Variants in FSTL5 observed in about 807,000 individuals in gnomAD.
FSTL5 encodes the protein follistatin like 5.
Under a neutral mutation model 89.1 loss-of-function variants are expected in FSTL5, and 62 were observed. That is an observed-to-expected ratio of 0.70 (90% CI 0.57 to 0.86). The LOEUF (loss-of-function observed/expected upper bound fraction) is 0.86. Among genes scored for constraint, FSTL5 ranks in the 40% least tolerant of loss-of-function variants. The pLI is 0.00. For synonymous variants in FSTL5, 383 were observed against 346.2 expected (o/e 1.11, Z -1.18); for missense variants, 1,057 against 1,001.6 (o/e 1.06, Z -0.75).
intron 10 of FSTL5, among the ~76,000 whole-genome samples, chr4:161,510,670 A>G (rs1239135357): frequency 6.6e-6 from 1 of 151,786 alleles, no homozygotes; most frequent in African/African-American, 2.4e-5. Context: ...TTTGTTATTA[A>G]ACAAAGAACA....
chr4:161,862,429 G>T (rs1453058972), intron 4 of FSTL5, among the ~76,000 whole-genome samples: 1 of 152,090 alleles, frequency 6.6e-6, no homozygotes, highest in Non-Finnish European at 1.5e-5. Flanking sequence ...ATGATTACAA[G>T]AAGTCACTAT....
chr4:161,915,590 T>G (rs1200478286), intron 4 of FSTL5, among the ~76,000 whole-genome samples: 2 of 152,156 alleles, frequency 1.3e-5, no homozygotes, highest in African/African-American at 4.8e-5. Context: ...AACATAGATG[T>G]ACCAAACATA....
chr4:161,832,644 CT>C (rs1208152519), intron 4 of FSTL5, among the ~76,000 whole-genome samples: 1 of 152,148 alleles, frequency 6.6e-6, no homozygotes, highest in African/African-American at 2.4e-5. Flanking sequence ...TCCATTTCTT[CT>C]AGATTTTCTA....
intron 7 of FSTL5, among the ~76,000 whole-genome samples, chr4:161,646,096 A>G (rs1736144548): frequency 6.7e-6 from 1 of 149,762 alleles, no homozygotes; most frequent in South Asian, 2.1e-4. Context: ...TCAATGATAT[A>G]CAATTTGGGT....
intron 15 of FSTL5, among the ~76,000 whole-genome samples, chr4:161,391,010 G>A (rs558591726): frequency 1.1e-4 from 16 of 152,204 alleles, no homozygotes; most frequent in Admixed American, 3.3e-4. Flanking sequence ...CTTCGCACGC[G>A]CATTAATTGT....
chr4:161,929,181 G>T (rs1200868933), intron 3 of FSTL5, among the ~76,000 whole-genome samples: 2 of 147,914 alleles, frequency 1.4e-5, no homozygotes, highest in South Asian at 2.1e-4. Flanking sequence ...TTTAAATATG[G>T]ATATCCAGTG....
chr4:162,068,030 A>C lies in FSTL5; in HGVS notation c.127-34372T>G, dbSNP rs139995762. 2.6e-3 allele frequency among the ~76,000 whole-genome samples: 398 copies of C among 152,038 alleles called. 1 individual carries two copies. Among genetic ancestry groups the C allele is most frequent in the Non-Finnish European group, 4.4e-3 (301 of 67,932 alleles). ...CTCTTCAAGGAGAACTATGAACCAG[A>C]GCTCAAGGAAACAATAAAAAATGAC... On this transcript the variant is annotated intron_variant, in intron 2 of 15. Transcript: ENST00000306100.
intron 1 of FSTL5, among the ~76,000 whole-genome samples, chr4:162,116,842 A>C (rs2111422050): frequency 6.6e-6 from 1 of 152,288 alleles, no homozygotes; most frequent in South Asian, 2.1e-4. Flanking sequence ...CTGTCCTAGA[A>C]AAATTCTATG....
chr4:162,156,653 A>G (rs1312136330), intron 1 of FSTL5, among the ~76,000 whole-genome samples: 1 of 152,196 alleles, frequency 6.6e-6, no homozygotes, highest in Non-Finnish European at 1.5e-5. Context: ...CAGAAAACCA[A>G]GTATCCCATG....
intron 4 of FSTL5, among the ~76,000 whole-genome samples, chr4:161,902,510 T>A (rs1733396208): frequency 6.6e-6 from 1 of 152,204 alleles, no homozygotes; most frequent in African/African-American, 2.4e-5. Flanking sequence ...GTGTGTCTTT[T>A]TAAAGTGAGA....
chr4:161,887,846 C>A (rs1019115466), intron 4 of FSTL5, among the ~76,000 whole-genome samples: 3 of 152,088 alleles, frequency 2.0e-5, no homozygotes, highest in Non-Finnish European at 4.4e-5. Flanking sequence ...ATTCATTTTA[C>A]AAGTAAGGAC....
rs142056917 is a variant in FSTL5, at chr4:161,727,430, A to G, written c.727+31981T>C. On this transcript the variant is annotated intron_variant, in intron 6 of 15. Transcript: ENST00000306100. ...GATATATTTCCATATTCCCAGGCAG[A>G]CAGATATGATTCTGCTTCAGTAGTT... Among the ~76,000 whole-genome samples, 978 of 152,288 alleles carry G rather than the reference A, an allele frequency of 6.4e-3. 18 individuals are homozygous for G. The highest frequency in any genetic ancestry group is 0.022 in the African/African-American group (933 of 41,566).
chr4:161,920,381 C>T lies in FSTL5; in HGVS notation c.409+23G>A, dbSNP rs1377147782. On this transcript the variant is annotated intron_variant, in intron 4 of 15. Coordinates refer to ENST00000306100, the MANE Select transcript of FSTL5 (RefSeq NM_020116.5). The stretch of plus-strand genomic sequence containing the variant: ...AGAAAAGAAATAGAGTGGGGTGACA[C>T]TTAAGGTTCACCCTTCATTTACCTT... 5 of 1,609,278 alleles carry T rather than the reference C, an allele frequency of 3.1e-6. No individual in the cohort carries two copies. In the East Asian group the frequency reaches 1.1e-4, roughly 36 times the overall value.
chr4:161,438,658 T>G, intron 15 of FSTL5, among the ~76,000 whole-genome samples: 1 of 152,150 alleles, frequency 6.6e-6, no homozygotes, highest in Non-Finnish European at 1.5e-5. Context: ...AAAATATAAT[T>G]GAATTGAACT....
intron 15 of FSTL5, among the ~76,000 whole-genome samples, chr4:161,437,806 A>G (rs1033025747): frequency 6.6e-6 from 1 of 152,132 alleles, no homozygotes; most frequent in African/African-American, 2.4e-5. Context: ...ACATGGAAGC[A>G]GAAGTCACTT....
chr4:161,429,667 T>C (rs557793903), intron 15 of FSTL5, among the ~76,000 whole-genome samples: 4 of 152,320 alleles, frequency 2.6e-5, no homozygotes, highest in Admixed American at 6.5e-5. Flanking sequence ...TTCTCTCTAA[T>C]GCAGATATGG....
At chr4:161,488,755 A>G (rs77892541) in intron 12 of FSTL5, among the ~76,000 whole-genome samples, 4,409 of 152,266 alleles carry the variant, frequency 0.029, 149 homozygotes, top group East Asian at 0.13. Flanking sequence ...ACTACATTTG[A>G]CAAAAATTAT....
chr4:161,599,129 A>G (rs1368707970), intron 7 of FSTL5, among the ~76,000 whole-genome samples: 1 of 152,144 alleles, frequency 6.6e-6, no homozygotes, highest in East Asian at 1.9e-4. Flanking sequence ...AATTCAATAG[A>G]AAAATGAAGA....
intron 4 of FSTL5, among the ~76,000 whole-genome samples, chr4:161,868,786 A>T (rs1050153407): frequency 6.6e-6 from 1 of 152,148 alleles, no homozygotes; most frequent in African/African-American, 2.4e-5. Flanking sequence ...CCCTCCTTAG[A>T]TATGTTCCAG....
Sources: allele counts gnomAD v4.1 joint callset (sites outside exome capture counted in the v4.1 genomes callset), GRCh38; gene constraint gnomAD v4.1.1; transcripts MANE v1.5; gene names NCBI Gene and HGNC (gene_info 2026-07-23, HGNC 2026-07-21).